SV2B: variants seen among roughly 807,000 people sequenced by gnomAD.
SV2B encodes solute carrier family 22 member B2.
In SV2B, 41 loss-of-function variants were observed where a neutral mutation model predicts 73.9. That is an observed-to-expected ratio of 0.56 (90% CI 0.43 to 0.72). The LOEUF is 0.72. Ranked by LOEUF, SV2B falls within the 30% of genes least tolerant of loss-of-function variation. The probability of loss-of-function intolerance (pLI) is 0.00; values close to 1 mark genes in which losing one functional copy is unlikely to be tolerated. For synonymous variants in SV2B, 314 were observed against 314.2 expected, an observed-to-expected ratio of 1.00 and a Z score of 0.01; for missense variants, 764 against 857.8, an observed-to-expected ratio of 0.89 and a Z score of 1.37.
intron 1 of SV2B, among the ~76,000 whole-genome samples, chr15:91,182,546 T>C (rs1418522488): frequency 6.6e-6 from 1 of 152,222 alleles, no homozygotes. Flanking sequence ...CTTGATTCTC[T>C]TGAAGGCCAG....
At position 91,294,335 on chromosome 15, in the gene SV2B, T is replaced by C. The variant is rs1358637790; in HGVS notation, c.*1783T>C. 6.6e-6 allele frequency: 1 copy of C among 152,174 alleles called. No individual in the cohort carries two copies. Among genetic ancestry groups the C allele is most frequent in the Non-Finnish European group, 1.5e-5 (1 of 68,020 alleles). The allele number at this position is 152,174 out of a possible 1,614,324, so 9.4% of individuals were successfully genotyped here. A position where few individuals can be genotyped will look rare whatever the true frequency, so the allele number is the denominator to read the frequency against. On this transcript the variant is annotated 3_prime_UTR_variant, in exon 13 of 13. Transcript: ENST00000394232. The surrounding 1 kb of genome is among the most constrained non-coding windows in gnomAD (Gnocchi z 4.1). ...ACCGTCGATTTGAGATCAGTTTTAA[T>C]GGTTAAAATGTTTACTCTCCTTCTG...
intron 9 of SV2B, among the ~76,000 whole-genome samples, chr15:91,272,783 A>G (rs1318085097): frequency 6.7e-6 from 1 of 148,942 alleles, no homozygotes; most frequent in Non-Finnish European, 1.5e-5. Context: ...GAAATGTTAC[A>G]CGCCAAGGCT....
At chr15:91,109,599 C>T (rs944933671) in intron 1 of SV2B, among the ~76,000 whole-genome samples, 5 of 152,138 alleles carry the variant, frequency 3.3e-5, no homozygotes, top group African/African-American at 1.2e-4. Flanking sequence ...ATTTCATGGG[C>T]AGGTTCCTTT....
rs2042950626 is a variant in SV2B at position 91,139,880 on chromosome 15, G to T, written c.-392+39517G>T. Among the ~76,000 whole-genome samples, 1 of 152,212 alleles carries T rather than the reference G, an allele frequency of 6.6e-6. No homozygotes were observed. The highest frequency in any genetic ancestry group is 2.4e-5 in the African/African-American group (1 of 41,460). On this transcript the variant is annotated intron_variant, in intron 1 of 12. Coordinates refer to ENST00000394232, the MANE Select transcript of SV2B (RefSeq NM_001323032.3). This position sits in a 1 kb window ranked among gnomAD's most constrained non-coding sequence, Gnocchi z 5.2. ...GCTATATGGTCCCTCTGGTAGCCAA[G>T]GAAGGGAGGAAGATCCGGCCACTTT... is the stretch of plus-strand genomic sequence containing the variant.
chr15:91,242,744 C>G lies in SV2B; in HGVS notation c.452-9075C>G, dbSNP rs748253677. 6.6e-6 allele frequency among the ~76,000 whole-genome samples: 1 copy of G among 152,056 alleles called. No individual in the cohort carries two copies. Among genetic ancestry groups the G allele is most frequent in the Non-Finnish European group, 1.5e-5 (1 of 68,002 alleles). ...TGAAGAGATCTGACCCAGGAGTTAC[C>G]TATTATTTTTTTAAATACGAATACT... On this transcript the variant is annotated intron_variant, in intron 2 of 12. Coordinates refer to ENST00000394232, the MANE Select transcript of SV2B (RefSeq NM_001323032.3). This position sits in a 1 kb window ranked among gnomAD's most constrained non-coding sequence, Gnocchi z 4.9.
At chr15:91,218,058 T>C (rs1288878832) in intron 1 of SV2B, among the ~76,000 whole-genome samples, 1 of 152,194 alleles carries the variant, frequency 6.6e-6, no homozygotes, top group Non-Finnish European at 1.5e-5. Flanking sequence ...GAGACCCCTA[T>C]AATGAAAGAC....
chr15:91,165,333 A>G (rs1342996155), intron 1 of SV2B, among the ~76,000 whole-genome samples: 1 of 152,110 alleles, frequency 6.6e-6, no homozygotes, highest in Non-Finnish European at 1.5e-5. Flanking sequence ...CTCTGTCTCA[A>G]AAAAAAATTA....
intron 2 of SV2B, among the ~76,000 whole-genome samples, chr15:91,244,629 C>T (rs568675244): frequency 2.6e-5 from 4 of 152,330 alleles, no homozygotes; most frequent in African/African-American, 9.6e-5. Flanking sequence ...TGATGTTCCT[C>T]CATGATTTAA....
In SV2B at chr15:91,258,409, G is replaced by A. The variant is rs1004038173; in HGVS notation, c.785-12G>A. ...TGTCCCAGAAATCCTTTGACTGACT[G>A]CTCCTTTGCAGGCTGGGGCTTCAGC... is the stretch of plus-strand genomic sequence containing the variant. On this transcript the variant is annotated splice_polypyrimidine_tract_variant and intron_variant, in intron 4 of 12. Transcript: ENST00000394232. This position sits in a 1 kb window ranked among gnomAD's most constrained non-coding sequence, Gnocchi z 4.7. The A allele has an allele frequency of 3.7e-6, 6 of 1,613,716 alleles. No homozygotes were observed. The East Asian group carries it at 1.3e-4, about 36-fold the overall frequency.
intron 9 of SV2B, among the ~76,000 whole-genome samples, chr15:91,269,894 C>G (rs1376276493): frequency 6.6e-6 from 1 of 152,158 alleles, no homozygotes; most frequent in Non-Finnish European, 1.5e-5. Flanking sequence ...ACCCATGCAT[C>G]TATACATCCC....
At position 91,252,571 on chromosome 15, in the gene SV2B, C is replaced by A. The variant is rs1567396082; in HGVS notation, c.784+51C>A. ...GGGGGCCCTGTTTCTATGGCTCCTG[C>A]ACCCAAACAATAGTTCCTGTCCTCA... is the stretch of plus-strand genomic sequence containing the variant. On this transcript the variant is annotated intron_variant, in intron 4 of 12. Transcript: ENST00000394232. This position sits in a 1 kb window ranked among gnomAD's most constrained non-coding sequence, Gnocchi z 4.6. The A allele has an allele frequency of 6.6e-7, 1 of 1,522,750 alleles. No individual in the cohort carries two copies. The highest frequency in any genetic ancestry group is 1.4e-5 in the African/African-American group (1 of 71,884). The allele number at this position is 1,522,750 out of a possible 1,614,324, so 94.3% of individuals were successfully genotyped here. A position where few individuals can be genotyped will look rare whatever the true frequency, so the allele number is the denominator to read the frequency against.
intron 1 of SV2B, among the ~76,000 whole-genome samples, chr15:91,133,573 G>C (rs1462753901): frequency 6.6e-6 from 1 of 152,064 alleles, no homozygotes; most frequent in Admixed American, 6.5e-5. Flanking sequence ...GCCCTGTGAG[G>C]GTCTGCAGAA....
At position 91,197,730 on chromosome 15, in the gene SV2B, A is replaced by G. The variant is rs2045302251; in HGVS notation, c.-391-28143A>G. Among the ~76,000 whole-genome samples the G allele has an allele frequency of 6.6e-6, 1 of 152,140 alleles. No homozygotes were observed. Among genetic ancestry groups the G allele is most frequent in the Non-Finnish European group, 1.5e-5 (1 of 68,006 alleles). ...GTGCTAAAAAGCAAGGATACTTGCT[A>G]TATAAAGTTTAAAAAATATGCAGCC... is the stretch of plus-strand genomic sequence containing the variant. On this transcript the variant is annotated intron_variant, in intron 1 of 12. Coordinates refer to ENST00000394232, the MANE Select transcript of SV2B (RefSeq NM_001323032.3). The surrounding 1 kb of genome is among the most constrained non-coding windows in gnomAD (Gnocchi z 4.9).
intron 1 of SV2B, among the ~76,000 whole-genome samples, chr15:91,158,506 T>A (rs1325696845): frequency 6.6e-6 from 1 of 151,714 alleles, no homozygotes; most frequent in Non-Finnish European, 1.5e-5. Flanking sequence ...TAGGATGCTG[T>A]TGTAGTCAGT....
intron 1 of SV2B, among the ~76,000 whole-genome samples, chr15:91,183,296 T>A (rs1405277213): frequency 6.6e-6 from 1 of 152,228 alleles, no homozygotes; most frequent in South Asian, 2.1e-4. Flanking sequence ...TTCTCTTGGA[T>A]TACCCAGATA....
intron 2 of SV2B, among the ~76,000 whole-genome samples, chr15:91,237,156 G>C (rs2046816478): frequency 6.6e-6 from 1 of 152,188 alleles, no homozygotes; most frequent in Non-Finnish European, 1.5e-5. Context: ...TGTGAAACCA[G>C]AAATATTGCT....
chr15:91,119,283 G>T (rs1392273405), intron 1 of SV2B, among the ~76,000 whole-genome samples: 1 of 152,188 alleles, frequency 6.6e-6, no homozygotes, highest in African/African-American at 2.4e-5. Flanking sequence ...GATGAAGAAA[G>T]AAGTTAAGAT....
chr15:91,218,636 A>G (rs755841314), intron 1 of SV2B, among the ~76,000 whole-genome samples: 9 of 152,194 alleles, frequency 5.9e-5, no homozygotes, highest in African/African-American at 9.6e-5. Flanking sequence ...CTTTGTCCCT[A>G]TAATGCCTCA....
intron 9 of SV2B, among the ~76,000 whole-genome samples, chr15:91,270,789 G>GGGATGGTGAATCCTGTGGATGATGGGC (rs1567417449): frequency 2.1e-5 from 3 of 143,516 alleles, no homozygotes; most frequent in South Asian, 4.5e-4. Context: ...GGATGATGGG[G>GGGATGGTGAATCCTGTGGATGATGGGC]GGATGGTGAA....
Sources: allele counts gnomAD v4.1 joint callset (sites outside exome capture counted in the v4.1 genomes callset), GRCh38; gene constraint gnomAD v4.1.1; non-coding constraint Gnocchi (gnomAD v3.1); transcripts MANE v1.5; gene names NCBI Gene and HGNC (gene_info 2026-07-23, HGNC 2026-07-21).